Variants in VPS13B observed in about 807,000 individuals in gnomAD.
VPS13B encodes the protein vacuolar protein sorting 13 homolog B, also known as intermembrane lipid transfer protein VPS13B.
Under a neutral mutation model 426.4 loss-of-function variants are expected in VPS13B, and 285 were observed. That is an observed-to-expected ratio of 0.67 (90% CI 0.61 to 0.74). VPS13B has a LOEUF of 0.74. VPS13B is among the 30% of genes least tolerant of loss of function. VPS13B has a pLI of 0.00. For synonymous variants in VPS13B, 1,676 were observed against 1,676.4 expected, an observed-to-expected ratio of 1.00 and a Z score of 0.01; for missense variants, 4,537 against 4,782.6, an observed-to-expected ratio of 0.95 and a Z score of 1.51.
rs34941871 is a variant in VPS13B, at chr8:99,481,769, C to T, written c.3837C>T (p.Cys1279=). 5,753 of 1,613,912 alleles carry T rather than the reference C, an allele frequency of 3.6e-3. 192 individuals carry two copies. The African/African-American group carries it at 0.068, about 19-fold the overall frequency. The change falls in exon 25 of 62, where the codon TGC becomes TGT. Residue 1279 remains cysteine (C), a synonymous_variant. Coordinates refer to ENST00000357162, the MANE Select transcript of VPS13B (RefSeq NM_152564.5). ...CAGCTCCTCCAGATACCAGCACATG[C>T]AGCCCATCTGCTGACATTGGGACTA... is the stretch of plus-strand genomic sequence containing the variant. ...IGTAPPDTST[C]SPSADIGTTT... is the part of the protein sequence containing the mutation.
intron 39 of VPS13B, among the ~76,000 whole-genome samples, chr8:99,762,676 A>C (rs1810991375): frequency 6.6e-6 from 1 of 152,158 alleles, no homozygotes; most frequent in African/African-American, 2.4e-5. Flanking sequence ...TAAGCTTCCA[A>C]AGTGTTCTTT....
intron 44 of VPS13B, among the ~76,000 whole-genome samples, chr8:99,810,163 C>A (rs887523445): frequency 6.6e-6 from 1 of 152,194 alleles, no homozygotes; most frequent in Admixed American, 6.5e-5. Context: ...AAGTATCTGA[C>A]ACTTTCTTTT....
At chr8:99,415,170 T>G (rs3134182) in intron 21 of VPS13B, among the ~76,000 whole-genome samples, 26,276 of 151,306 alleles carry the variant, frequency 0.17, 2,778 homozygotes, top group East Asian at 0.38. Flanking sequence ...CTTCAATCTC[T>G]GATATCCTTT....
At chr8:99,802,497 T>G (rs1179517002) in intron 43 of VPS13B, among the ~76,000 whole-genome samples, 1 of 152,150 alleles carries the variant, frequency 6.6e-6, no homozygotes, top group Non-Finnish European at 1.5e-5. Flanking sequence ...AAATAAGACA[T>G]AGTTGTAATA....
chr8:99,648,566 C>T (rs891897848), intron 34 of VPS13B, among the ~76,000 whole-genome samples: 1 of 152,074 alleles, frequency 6.6e-6, no homozygotes, highest in Non-Finnish European at 1.5e-5. Flanking sequence ...TCTGGGGTTT[C>T]CAGTATGCAT....
chr8:99,178,147 A>AT (rs1335503040), intron 16 of VPS13B, among the ~76,000 whole-genome samples: 1 of 149,616 alleles, frequency 6.7e-6, no homozygotes, highest in African/African-American at 2.5e-5. Flanking sequence ...ATTTCTTTTT[A>AT]TTTTTTATTT....
At chr8:99,484,397 A>G (rs1325997961) in intron 25 of VPS13B, among the ~76,000 whole-genome samples, 1 of 152,164 alleles carries the variant, frequency 6.6e-6, no homozygotes, top group African/African-American at 2.4e-5. Flanking sequence ...CAAAATTTTC[A>G]AAATGTACCC....
intron 19 of VPS13B, among the ~76,000 whole-genome samples, chr8:99,349,722 G>A (rs1013503424): frequency 2.0e-5 from 3 of 152,114 alleles, no homozygotes; most frequent in South Asian, 2.1e-4. Context: ...GTTGAAAAAA[G>A]TCTTCGAGAA....
At chr8:99,424,670 A>G (rs1360793742) in intron 21 of VPS13B, 1 of 152,182 alleles carries the variant, frequency 6.6e-6, no homozygotes, top group Non-Finnish European at 1.5e-5. Flanking sequence ...AAGAGCAAAC[A>G]CATTCAAAAG....
At chr8:99,831,977 G>A (rs956165631) in intron 51 of VPS13B, among the ~76,000 whole-genome samples, 1 of 152,020 alleles carries the variant, frequency 6.6e-6, no homozygotes, top group Non-Finnish European at 1.5e-5. Context: ...TGTGCTTTAC[G>A]GGGCCAGGCG....
intron 19 of VPS13B, among the ~76,000 whole-genome samples, chr8:99,284,932 A>T (rs1055076385): frequency 1.3e-5 from 2 of 152,212 alleles, no homozygotes; most frequent in South Asian, 4.1e-4. Context: ...AAGATTAAAT[A>T]CTGTATCCTC....
chr8:99,541,269 A>G (rs535090386), intron 30 of VPS13B, among the ~76,000 whole-genome samples: 1 of 152,146 alleles, frequency 6.6e-6, no homozygotes, highest in Non-Finnish European at 1.5e-5. Flanking sequence ...AGTCAACCCT[A>G]TGTGGCTAAA....
chr8:99,351,044 G>A (rs986056938), intron 19 of VPS13B, among the ~76,000 whole-genome samples: 54 of 152,162 alleles, frequency 3.5e-4, no homozygotes, highest in African/African-American at 1.2e-3. Context: ...AATAAGAAGT[G>A]CAGATTTTCT....
intron 35 of VPS13B, among the ~76,000 whole-genome samples, chr8:99,665,872 T>C (rs1830465649): frequency 6.6e-6 from 1 of 152,174 alleles, no homozygotes; most frequent in Non-Finnish European, 1.5e-5. Context: ...ATTGGTAGCT[T>C]GATGGGGATG....
intron 31 of VPS13B, among the ~76,000 whole-genome samples, chr8:99,569,224 T>A (rs867974993): frequency 4.6e-5 from 7 of 152,252 alleles, no homozygotes; most frequent in Middle Eastern, 3.4e-3. Context: ...AGAATTGCTC[T>A]GTGCACCAGC....
Position 99,575,720 on chromosome 8 carries a change from G to A in VPS13B, c.5012G>A (p.Arg1671Gln), listed in dbSNP as rs565360322. 2.0e-5 allele frequency: 32 copies of A among 1,613,760 alleles called. No individual in the cohort carries two copies. Among genetic ancestry groups the A allele is most frequent in the Middle Eastern group, 1.7e-4 (1 of 6,058 alleles). Reference sequence around the variant, plus strand: ...CCCGTTTTGACAGATTTTTCTGTCCGAATAACTGGAGCACCTGCTGTCATT... The same window carrying A: ...CCCGTTTTGACAGATTTTTCTGTCCAAATAACTGGAGCACCTGCTGTCATT... ...LTPVLTDFSVRITGAPAVIFT... is the reference protein window; with the variant it reads ...LTPVLTDFSVQITGAPAVIFT... Residue 1671 changes from arginine (R) to glutamine (Q), a missense_variant, in exon 32 of 62, where the codon CGA (arginine) becomes CAA (glutamine). Physicochemically the swap from Arg to Gln is conservative, Grantham distance 43 (BLOSUM62 1). Transcript: ENST00000357162.
chr8:99,384,462 C>A, intron 20 of VPS13B, 145 bp downstream of exon 20: 2 of 686,728 alleles, frequency 2.9e-6, no homozygotes, highest in Non-Finnish European at 2.5e-6. Flanking sequence ...TCAAACAATT[C>A]CGTTCCCTTA....
At chr8:99,775,771 G>A (rs569492519) in intron 40 of VPS13B, among the ~76,000 whole-genome samples, 51 of 152,072 alleles carry the variant, frequency 3.4e-4, no homozygotes, top group Non-Finnish European at 6.3e-4. Flanking sequence ...GGTGGCTGGC[G>A]CCTGTAATCC....
At chr8:99,378,133 A>C (rs1813592366) in intron 19 of VPS13B, among the ~76,000 whole-genome samples, 1 of 47,992 alleles carries the variant, frequency 2.1e-5, no homozygotes, top group African/African-American at 9.8e-5. Flanking sequence ...GCCATTTTAG[A>C]GCCCCCCCCC....
Sources: allele counts gnomAD v4.1 joint callset (sites outside exome capture counted in the v4.1 genomes callset), GRCh38; gene constraint gnomAD v4.1.1; transcripts MANE v1.5; gene names NCBI Gene and HGNC (gene_info 2026-07-23, HGNC 2026-07-21).